The following BRAP variants were observed in gnomAD, a reference collection of about 807,000 sequenced individuals.
BRAP encodes the protein BRCA1 associated protein, also known as BRCA1-associated protein.
A neutral mutation model predicts 73.4 loss-of-function variants in BRAP; 42 were observed. The observed-to-expected ratio is 0.57, with a 90% confidence interval of 0.45 to 0.74. BRAP has a LOEUF of 0.74. Ranked by LOEUF, BRAP falls within the 30% of genes least tolerant of loss-of-function variation. The pLI is 0.00. For missense variants in BRAP, 593 were observed against 751.4 expected (o/e 0.79, Z 2.46); for synonymous variants, 255 against 267.4 (o/e 0.95, Z 0.45).
Position 111,681,659 on chromosome 12 carries a change from T to C in BRAP, c.421A>G (p.Ile141Val). Reference protein sequence around the residue: ...GNPSVEIVHGIMHLYKTNKMT... With the variant: ...GNPSVEIVHGVMHLYKTNKMT... ...TACTTTGTCTTATATAGGTGCATAA[T>C]ACCATGAACTATTTCAACTGATGGA... The change falls in exon 3 of 12, where the codon ATT (isoleucine) becomes GTT (valine). Residue 141 changes from isoleucine (I) to valine (V), a missense_variant. Physicochemically the swap from Ile to Val is conservative, Grantham distance 29 (BLOSUM62 3). Around this residue, in one of 4 missense-constraint regions of BRAP, gnomAD observed 304 missense variants for 337.7 expected, o/e 0.90. Coordinates refer to ENST00000419234, the MANE Select transcript of BRAP (RefSeq NM_006768.5). 1 of 1,607,238 alleles carries C rather than the reference T, an allele frequency of 6.2e-7. No homozygotes were observed. The highest frequency in any genetic ancestry group is 1.3e-5 in the African/African-American group (1 of 74,304).
chr12:111,650,192 G>A (rs1053382715), intron 10 of BRAP, 150 bp from the exon 11 acceptor site: 9 of 467,752 alleles, frequency 1.9e-5, no homozygotes, highest in African/African-American at 1.0e-4. Context: ...TTCCAGGCAG[G>A]GGAAAAAAAT....
chr12:111,679,174 C>A lies in BRAP; in HGVS notation c.610G>T (p.Val204Leu). ...IRDSTPNQYM[V>L]LIKFRAQADA... ...ACCTGTGCACGAAACTTTATCAGCA[C>A]CATATATTGGTTGGGAGTAGAGTCT... The change falls in exon 4 of 12, where the codon GTG becomes TTG. Residue 204 changes from valine to leucine, a missense_variant. Coordinates refer to ENST00000419234, the MANE Select transcript of BRAP (RefSeq NM_006768.5). 6.3e-7 allele frequency: 1 copy of A among 1,582,104 alleles called. No homozygotes were observed. The highest frequency in any genetic ancestry group is 8.6e-7 in the Non-Finnish European group (1 of 1,163,764).
At position 111,644,120 on chromosome 12, in the gene BRAP, C is replaced by T. The variant is rs1327366550; in HGVS notation, c.*79G>A. The T allele has an allele frequency of 3.3e-6, 5 of 1,524,954 alleles. No homozygotes were observed. The allele number at this position is 1,524,954 out of a possible 1,614,324, so 94.5% of individuals were successfully genotyped here. A position where few individuals can be genotyped will look rare whatever the true frequency, so the allele number is the denominator to read the frequency against. On this transcript the variant is annotated 3_prime_UTR_variant, in exon 12 of 12. Coordinates refer to ENST00000419234, the MANE Select transcript of BRAP (RefSeq NM_006768.5). Reference sequence around the variant, plus strand: ...TCACTTGTACTTATTAGGGCCCACCCTCACATTTAGCTGAAGGTCCCAGCA... The same window carrying T: ...TCACTTGTACTTATTAGGGCCCACCTTCACATTTAGCTGAAGGTCCCAGCA...
chr12:111,662,817 A>G (rs1464412724), intron 6 of BRAP, among the ~76,000 whole-genome samples: 2 of 151,846 alleles, frequency 1.3e-5, no homozygotes, highest in Admixed American at 1.3e-4. Flanking sequence ...GGTGGCTGTG[A>G]AAGTGGTTGA....
intron 6 of BRAP, among the ~76,000 whole-genome samples, chr12:111,661,792 G>A (rs1364375213): frequency 6.7e-6 from 1 of 149,214 alleles, no homozygotes; most frequent in Non-Finnish European, 1.5e-5. Flanking sequence ...GCTCACTGCA[G>A]CCTCTGCCAC....
chr12:111,665,771 A>G lies in BRAP; in HGVS notation c.764T>C (p.Val255Ala). The part of the protein sequence containing the change: ...LKSEDGASLP[V>A]MDLTELPKCT... The stretch of plus-strand genomic sequence containing the variant: ...CTTGGGGAGTTCAGTCAGGTCCATC[A>G]CTGGGAGGCTGGCGCCCTACAGGAA... The change falls in exon 6 of 12, where the codon GTG (valine) becomes GCG (alanine). Residue 255 changes from valine to alanine, a missense_variant. Transcript: ENST00000419234. This position sits in a 1 kb window ranked among gnomAD's most constrained non-coding sequence, Gnocchi z 4.3. 6.2e-7 allele frequency: 1 copy of G among 1,614,206 alleles called. No homozygotes were observed. Among genetic ancestry groups the G allele is most frequent in the Non-Finnish European group, 8.5e-7 (1 of 1,180,036 alleles).
At chr12:111,647,386 A>G (rs550035027) in intron 11 of BRAP, among the ~76,000 whole-genome samples, 1 of 152,330 alleles carries the variant, frequency 6.6e-6, no homozygotes, top group South Asian at 2.1e-4. Flanking sequence ...AAATCCAAAA[A>G]CATATTTTAT....
chr12:111,685,190 T>C (rs553702473), intron 1 of BRAP, among the ~76,000 whole-genome samples: 2 of 152,356 alleles, frequency 1.3e-5, no homozygotes, highest in South Asian at 2.1e-4. Flanking sequence ...AAGAGGTACA[T>C]GTCACATCCA....
At chr12:111,660,467 CAGTA>C (rs1886703759) in intron 7 of BRAP, 129 bp downstream of exon 7, 1 of 709,618 alleles carries the variant, frequency 1.4e-6, no homozygotes, top group Non-Finnish European at 2.0e-6. Flanking sequence ...CTGGGCAACA[CAGTA>C]AGCCCTGTCT....
In BRAP at chr12:111,665,566, GCT is replaced by G. The variant is rs1886906340; in HGVS notation, c.896+71_896+72del. 10 of 1,562,634 alleles carry G rather than the reference GCT, an allele frequency of 6.4e-6. No individual in the cohort carries two copies. The highest frequency in any genetic ancestry group is 8.7e-6 in the Non-Finnish European group (10 of 1,143,436). On this transcript the variant is annotated intron_variant, in intron 6 of 11. Coordinates refer to ENST00000419234, the MANE Select transcript of BRAP (RefSeq NM_006768.5). This position sits in a 1 kb window ranked among gnomAD's most constrained non-coding sequence, Gnocchi z 4.3. ...CAAATACTTGGAATGGTTCATTTCT[GCT>G]GGTGGCTCTTTTTAATTCTGGAAGG...
intron 7 of BRAP, 148 bp downstream of exon 7, chr12:111,660,452 C>G: frequency 1.7e-6 from 1 of 580,968 alleles, no homozygotes; most frequent in Non-Finnish European, 2.5e-6. Context: ...GAGTTCGAGA[C>G]CAGCCTGGGC....
At position 111,676,116 on chromosome 12, in the gene BRAP, AAT is replaced by A. The variant is rs752681122; in HGVS notation, c.633+3033_633+3034del. Among the ~76,000 whole-genome samples the A allele has an allele frequency of 1.4e-4, 21 of 151,416 alleles. 1 individual carries two copies. The East Asian group carries it at 2.6e-3, about 19-fold the overall frequency. On this transcript the variant is annotated intron_variant, in intron 4 of 11. Transcript: ENST00000419234. ...TGGTCTTGAACCCCTGGCCTTAAGC[AAT>A]ACTCCTGTCTTGGCCTCCCAAGGTG...
intron 3 of BRAP, among the ~76,000 whole-genome samples, chr12:111,679,646 C>T (rs888857978): frequency 5.3e-5 from 8 of 151,744 alleles, no homozygotes; most frequent in African/African-American, 1.7e-4. Flanking sequence ...CAGGCCGAGG[C>T]GGGTGGATCA....
intron 4 of BRAP, among the ~76,000 whole-genome samples, chr12:111,677,375 C>A (rs560825523): frequency 6.6e-6 from 1 of 152,334 alleles, no homozygotes; most frequent in East Asian, 1.9e-4. Context: ...CTTCCCCACA[C>A]CTTCATCCCA....
At chr12:111,681,062 C>T (rs114983961) in intron 3 of BRAP, among the ~76,000 whole-genome samples, 41 of 152,304 alleles carry the variant, frequency 2.7e-4, no homozygotes, top group African/African-American at 8.4e-4. Context: ...ACCTTCCATG[C>T]CTATCTGCTA....
intron 4 of BRAP, among the ~76,000 whole-genome samples, chr12:111,675,444 T>C (rs1376021435): frequency 1.3e-5 from 2 of 149,756 alleles, no homozygotes; most frequent in African/African-American, 4.9e-5. Flanking sequence ...CTTTAAAATC[T>C]TGGTATTAGA....
intron 1 of BRAP, among the ~76,000 whole-genome samples, chr12:111,683,742 T>G (rs1458348362): frequency 6.6e-6 from 1 of 152,074 alleles, no homozygotes; most frequent in African/African-American, 2.4e-5. Context: ...GGCTTCACCA[T>G]GTTGGACAGG....
rs984260396 is a variant in BRAP at position 111,665,527 on chromosome 12, C to T, written c.896+112G>A. 1 of 1,427,500 alleles carries T rather than the reference C, an allele frequency of 7.0e-7. No homozygotes were observed. Among genetic ancestry groups the T allele is most frequent in the Non-Finnish European group, 9.5e-7 (1 of 1,055,556 alleles). 88.4% of individuals were successfully genotyped at this position (1,427,500 alleles called of 1,614,324 possible). The stretch of plus-strand genomic sequence containing the variant: ...TAGGAAAGGGAAGGAGAAAAAGGAC[C>T]TCTTGAATAAAGTCAAATACTTGGA... On this transcript the variant is annotated intron_variant, in intron 6 of 11. Coordinates refer to ENST00000419234, the MANE Select transcript of BRAP (RefSeq NM_006768.5). This position sits in a 1 kb window ranked among gnomAD's most constrained non-coding sequence, Gnocchi z 4.3.
chr12:111,672,615 C>G (rs768412868), intron 5 of BRAP, 46 bp downstream of exon 5: 1 of 1,530,224 alleles, frequency 6.5e-7, no homozygotes. Flanking sequence ...CAATTTTACA[C>G]CAATCTGATA....
Sources: gnomAD v4.1 joint callset for allele counts (sites outside exome capture counted in the v4.1 genomes callset) on GRCh38, gnomAD v4.1.1 for gene constraint, gnomAD v4.1.1 regional missense constraint, Gnocchi (gnomAD v3.1) non-coding constraint, MANE v1.5 for transcripts, NCBI Gene and HGNC (gene_info 2026-07-23, HGNC 2026-07-21) for gene names.